TNFRSF11B: variants seen among roughly 807,000 people sequenced by gnomAD.
The protein encoded by TNFRSF11B is TNF receptor superfamily member 11b.
In TNFRSF11B, 16 loss-of-function variants were observed where a neutral mutation model predicts 43.4. The ratio of observed to expected loss-of-function variants is 0.37; its 90% CI spans 0.25 to 0.56. The LOEUF is 0.56. Ranked by LOEUF, TNFRSF11B falls within the 20% of genes least tolerant of loss-of-function variation. The pLI is 0.80. For missense variants in TNFRSF11B, 444 were observed against 490.1 expected (o/e 0.91, Z 0.89); for synonymous variants, 185 against 181.8 (o/e 1.02, Z -0.14).
intron 1 of TNFRSF11B, among the ~76,000 whole-genome samples, chr8:118,939,372 C>T (rs1383084744): frequency 6.6e-6 from 1 of 152,022 alleles, no homozygotes; most frequent in African/African-American, 2.4e-5. Context: ...ATCCAAAAAC[C>T]CATTCTGATT....
In TNFRSF11B at chr8:118,933,238, A is replaced by G; in HGVS notation, c.93T>C (p.Tyr31=). 6.2e-7 allele frequency: 1 copy of G among 1,614,208 alleles called. No homozygotes were observed. The highest frequency in any genetic ancestry group is 8.5e-7 in the Non-Finnish European group (1 of 1,180,052). The change falls in exon 2 of 5, where the codon TAT becomes TAC. Residue 31 remains tyrosine, a synonymous_variant. Transcript: ENST00000297350. The stretch of plus-strand genomic sequence containing the variant: ...ACAGCTGATGAGAGGTTTCTTCGTC[A>G]TAATGAAGGTACTTTGGAGGAAACG... ...QETFPPKYLH[Y]DEETSHQLLC... is the part of the protein sequence containing the mutation.
chr8:118,924,452 T>A lies in TNFRSF11B; in HGVS notation c.1128A>T (p.Thr376=), dbSNP rs750354488. Residue 376 remains threonine (T), a synonymous_variant, in exon 5 of 5, where the codon ACA becomes ACT. Transcript: ENST00000297350. ...KKTIRFLHSF[T]MYKLYQKLFL... is the part of the protein sequence containing the mutation. ...ATAACTTCTGATACAATTTGTACAT[T>A]GTGAAGCTGTGAAGGAACCTGATGG... The A allele has an allele frequency of 6.2e-7, 1 of 1,614,014 alleles. No homozygotes were observed. Among genetic ancestry groups the A allele is most frequent in the African/African-American group, 1.3e-5 (1 of 74,908 alleles).
At chr8:118,927,307 C>T (rs937427258) in intron 3 of TNFRSF11B, among the ~76,000 whole-genome samples, 1 of 152,060 alleles carries the variant, frequency 6.6e-6, no homozygotes, top group African/African-American at 2.4e-5. Context: ...AAGTATGTCC[C>T]AGAAAATGGG....
At chr8:118,941,986 G>A (rs772994126) in intron 1 of TNFRSF11B, among the ~76,000 whole-genome samples, 11 of 152,108 alleles carry the variant, frequency 7.2e-5, no homozygotes, top group Non-Finnish European at 1.6e-4. Flanking sequence ...GGGTAGCACC[G>A]CTACCTCAGG....
At chr8:118,944,776 G>A (rs1220135227) in intron 1 of TNFRSF11B, among the ~76,000 whole-genome samples, 39 of 152,078 alleles carry the variant, frequency 2.6e-4, no homozygotes, top group Admixed American at 2.5e-3. Flanking sequence ...GGTTTGACGT[G>A]TATTCCAAAT....
chr8:118,943,592 T>C (rs1349901805), intron 1 of TNFRSF11B, among the ~76,000 whole-genome samples: 3 of 152,142 alleles, frequency 2.0e-5, no homozygotes, highest in Non-Finnish European at 2.9e-5. Context: ...TCTCTGAACC[T>C]CAATTTCCTT....
At chr8:118,939,358 A>T (rs1301836842) in intron 1 of TNFRSF11B, among the ~76,000 whole-genome samples, 1 of 152,232 alleles carries the variant, frequency 6.6e-6, no homozygotes, top group South Asian at 2.1e-4. Context: ...TAATGTAAGC[A>T]TGCATCCAAA....
At position 118,924,091 on chromosome 8, in the gene TNFRSF11B, G is replaced by GTTT; in HGVS notation, c.*280_*282dup. 6.1e-5 allele frequency: 17 copies of GTTT among 278,210 alleles called. No homozygotes were observed. The highest frequency in any genetic ancestry group is 1.1e-4 in the South Asian group (2 of 18,560). 17.2% of individuals were successfully genotyped at this position (278,210 alleles called of 1,614,324 possible). The stretch of plus-strand genomic sequence containing the variant: ...ATTTAGTAAGGCACAATGGAGTCTA[G>GTTT]TTTTTTTTTTTTAATTTCCAGTTGA... On this transcript the variant is annotated 3_prime_UTR_variant, in exon 5 of 5. Transcript: ENST00000297350.
chr8:118,951,450 T>C (rs1416827603), intron 1 of TNFRSF11B, among the ~76,000 whole-genome samples: 1 of 152,190 alleles, frequency 6.6e-6, no homozygotes, highest in Non-Finnish European at 1.5e-5. Flanking sequence ...AAAGATAGTA[T>C]GGACTACATG....
chr8:118,937,775 A>G (rs1453474790), intron 1 of TNFRSF11B, among the ~76,000 whole-genome samples: 2 of 152,182 alleles, frequency 1.3e-5, no homozygotes, highest in East Asian at 3.8e-4. Flanking sequence ...ATTAGTTTCA[A>G]TCAATTAGTT....
intron 1 of TNFRSF11B, among the ~76,000 whole-genome samples, chr8:118,947,242 CCA>C (rs1812577490): frequency 3.3e-5 from 1 of 30,228 alleles, no homozygotes; most frequent in Non-Finnish European, 5.6e-5. Context: ...GTTGGAACAT[CCA>C]TGGAAATTGC....
intron 1 of TNFRSF11B, among the ~76,000 whole-genome samples, chr8:118,936,673 T>C (rs1195668418): frequency 2.0e-5 from 3 of 152,268 alleles, no homozygotes; most frequent in Non-Finnish European, 4.4e-5. Context: ...AGACCCTTGA[T>C]GAGCATCTGC....
intron 3 of TNFRSF11B, among the ~76,000 whole-genome samples, chr8:118,928,012 ATGTGTGTGTGTGTG>A (rs58489703): frequency 3.4e-5 from 5 of 145,162 alleles, no homozygotes; most frequent in South Asian, 2.2e-4. Context: ...CACATTTCTA[ATGTGTGTGTGTGTG>A]TGTGTGTGTG....
chr8:118,951,599 G>A (rs1812646718), intron 1 of TNFRSF11B, among the ~76,000 whole-genome samples, 193 bp downstream of exon 1: 1 of 152,106 alleles, frequency 6.6e-6, no homozygotes, highest in South Asian at 2.1e-4. Flanking sequence ...CAGGAACTTT[G>A]CAGCGTAAAA....
intron 1 of TNFRSF11B, among the ~76,000 whole-genome samples, chr8:118,935,296 T>C (rs1168834633): frequency 6.6e-6 from 1 of 152,138 alleles, no homozygotes; most frequent in African/African-American, 2.4e-5. Flanking sequence ...CTTTCAGAAA[T>C]AGATGGAACC....
intron 1 of TNFRSF11B, among the ~76,000 whole-genome samples, chr8:118,937,617 T>C (rs1172387379): frequency 6.6e-6 from 1 of 152,164 alleles, no homozygotes; most frequent in South Asian, 2.1e-4. Flanking sequence ...TATTTTTCTA[T>C]GAAAAGTAAA....
chr8:118,943,499 T>C (rs556563081), intron 1 of TNFRSF11B, among the ~76,000 whole-genome samples: 5 of 152,234 alleles, frequency 3.3e-5, no homozygotes, highest in African/African-American at 1.2e-4. Flanking sequence ...GGGTATTTTT[T>C]ACTGGACTCA....
chr8:118,936,595 G>C (rs983023139), intron 1 of TNFRSF11B, among the ~76,000 whole-genome samples: 5 of 152,074 alleles, frequency 3.3e-5, no homozygotes, highest in African/African-American at 1.2e-4. Context: ...ATTGGATACA[G>C]CTCCTTTGCC....
intron 1 of TNFRSF11B, among the ~76,000 whole-genome samples, chr8:118,938,894 T>C (rs1453652091): frequency 6.6e-6 from 1 of 152,236 alleles, no homozygotes; most frequent in African/African-American, 2.4e-5. Flanking sequence ...GCTTTCTGTA[T>C]GCAGAACCAT....
Sources: allele counts gnomAD v4.1 joint callset (sites outside exome capture counted in the v4.1 genomes callset), GRCh38; gene constraint gnomAD v4.1.1; transcripts MANE v1.5; gene names NCBI Gene and HGNC (gene_info 2026-07-23, HGNC 2026-07-21).